MS4A12: variants seen among roughly 807,000 people sequenced by gnomAD.
MS4A12 encodes the protein membrane-spanning 4-domains subfamily A member 12.
Under a neutral mutation model 23.7 loss-of-function variants are expected in MS4A12, and 28 were observed. That is an observed-to-expected ratio of 1.18 (90% CI 0.88 to 1.62). MS4A12 has a LOEUF of 1.62. Among genes scored for constraint, MS4A12 ranks in the 40% most tolerant of loss-of-function variants. The pLI, the probability that MS4A12 is intolerant of heterozygous loss-of-function variation, is 0.00. For missense variants in MS4A12, 342 were observed against 327.0 expected (o/e 1.05, Z -0.35); for synonymous variants, 108 against 110.1 (o/e 0.98, Z 0.12).
intron 2 of MS4A12, among the ~76,000 whole-genome samples, chr11:60,499,869 T>C (rs2086516841): frequency 6.6e-6 from 1 of 152,208 alleles, no homozygotes; most frequent in Non-Finnish European, 1.5e-5. Flanking sequence ...GAAGGAAGGT[T>C]CAATAAGAGG....
chr11:60,501,227 A>G, intron 3 of MS4A12, 45 bp downstream of exon 3: 2 of 1,537,476 alleles, frequency 1.3e-6, no homozygotes. Context: ...TTTATAAAGT[A>G]TTCCCTCTTG....
chr11:60,493,812 C>G (rs1479450720), intron 1 of MS4A12, among the ~76,000 whole-genome samples: 1 of 152,136 alleles, frequency 6.6e-6, no homozygotes, highest in Non-Finnish European at 1.5e-5. Flanking sequence ...TAGAAAGAAA[C>G]TATAAAGAAG....
chr11:60,495,490 G>A (rs1400119914), intron 1 of MS4A12, among the ~76,000 whole-genome samples: 1 of 151,816 alleles, frequency 6.6e-6, no homozygotes, highest in Non-Finnish European at 1.5e-5. Context: ...CAGAGATAAT[G>A]TATCTCATGC....
At chr11:60,506,178 AGAGTTCAAGT>A (rs1437006543) in intron 5 of MS4A12, among the ~76,000 whole-genome samples, 3 of 152,240 alleles carry the variant, frequency 2.0e-5, no homozygotes, top group African/African-American at 7.2e-5. Context: ...AAGCCTGTAT[AGAGTTCAAGT>A]GAGCTTAATA....
Position 60,507,085 on chromosome 11 carries a change from TC to T in MS4A12, c.768del (p.Arg257AspfsTer46). The T allele has an allele frequency of 1.2e-6, 2 of 1,613,942 alleles. No homozygotes were observed. The highest frequency in any genetic ancestry group is 1.7e-6 in the Non-Finnish European group (2 of 1,179,810). On this transcript the variant is annotated frameshift_variant, in exon 7 of 7. Coordinates refer to ENST00000016913, the MANE Select transcript of MS4A12 (RefSeq NM_017716.3). LOFTEE classifies it low-confidence loss of function (END_TRUNC). Reference protein sequence around the residue: ...PVTPASSSAPPRCNNYSANAP... With the variant: ...PVTPASSSAPXRCNNYSANAP... ...TGACACCAGCGTCTTCTTCAGCTCC[TC>T]CCAGATGCAACAACTACTCAGCTAA...
Position 60,506,804 on chromosome 11 carries a change from A to G in MS4A12, c.665A>G (p.His222Arg). 7 of 1,614,172 alleles carry G rather than the reference A, an allele frequency of 4.3e-6. No individual in the cohort carries two copies. The highest frequency in any genetic ancestry group is 3.3e-5 in the South Asian group (3 of 91,074). ...LEFFVACATAHFANQANTTTN... is the reference protein window; with the variant it reads ...LEFFVACATARFANQANTTTN... Reference sequence around the variant, plus strand: ...TTCTTCGTAGCTTGTGCCACAGCCCATTTTGCCAACCAAGCAAACACCACA... The same window carrying G: ...TTCTTCGTAGCTTGTGCCACAGCCCGTTTTGCCAACCAAGCAAACACCACA... Residue 222 changes from histidine (H) to arginine (R), a missense_variant, in exon 6 of 7, where the codon CAT (histidine) becomes CGT (arginine). Physicochemically the swap from His to Arg is conservative, Grantham distance 29. Coordinates refer to ENST00000016913, the MANE Select transcript of MS4A12 (RefSeq NM_017716.3).
At chr11:60,500,881 T>C (rs1039686438) in intron 2 of MS4A12, among the ~76,000 whole-genome samples, 164 bp from the exon 3 acceptor site, 2 of 152,244 alleles carry the variant, frequency 1.3e-5, no homozygotes, top group Non-Finnish European at 2.9e-5. Flanking sequence ...TTCTAGTATA[T>C]GTCAGAATCT....
chr11:60,506,894 A>C, intron 6 of MS4A12, 56 bp downstream of exon 6: 4 of 1,556,648 alleles, frequency 2.6e-6, no homozygotes, highest in Non-Finnish European at 3.5e-6. Context: ...AGAAATACAG[A>C]CTTGTGTCTG....
chr11:60,500,240 C>G (rs1376374147), intron 2 of MS4A12, among the ~76,000 whole-genome samples: 1 of 69,820 alleles, frequency 1.4e-5, no homozygotes, highest in African/African-American at 5.3e-5. Context: ...GACTCTGTCT[C>G]AAAAAAAAAC....
At chr11:60,502,169 C>A in intron 4 of MS4A12, 130 bp downstream of exon 4, 1 of 918,604 alleles carries the variant, frequency 1.1e-6, no homozygotes, top group South Asian at 1.6e-5. Flanking sequence ...CTATTGGTTG[C>A]CTTATGGTCT....
chr11:60,498,993 C>G (rs1420599646), intron 2 of MS4A12, among the ~76,000 whole-genome samples: 1 of 152,202 alleles, frequency 6.6e-6, no homozygotes, highest in African/African-American at 2.4e-5. Context: ...GCCTGCAGAG[C>G]AGAAGGCTTT....
In MS4A12 at chr11:60,493,336, A is replaced by G. The variant is rs982938349; in HGVS notation, c.-7+508A>G. Among the ~76,000 whole-genome samples the G allele has an allele frequency of 4.0e-5, 6 of 150,764 alleles. No individual in the cohort carries two copies. In the East Asian group the frequency reaches 9.8e-4, roughly 25 times the overall value. Reference sequence around the variant, plus strand: ...GGTTGCAGTGAGCCGAGATCGCTCCATTGCACTCCAGCCTGGGTGACAAGA... The same window carrying G: ...GGTTGCAGTGAGCCGAGATCGCTCCGTTGCACTCCAGCCTGGGTGACAAGA... On this transcript the variant is annotated intron_variant, in intron 1 of 6. Coordinates refer to ENST00000016913, the MANE Select transcript of MS4A12 (RefSeq NM_017716.3).
chr11:60,497,786 C>T (rs2086501481), intron 2 of MS4A12, 192 bp downstream of exon 2: 3 of 637,518 alleles, frequency 4.7e-6, no homozygotes, highest in Non-Finnish European at 7.7e-6. Context: ...AAAAATATAA[C>T]AAGACACAGA....
intron 2 of MS4A12, among the ~76,000 whole-genome samples, chr11:60,500,262 A>C (rs28648798): frequency 3.0e-5 from 4 of 135,300 alleles, no homozygotes; most frequent in East Asian, 2.4e-4. Flanking sequence ...AAAAAAAAAC[A>C]AAAAAAAAAA....
rs766359237 is a variant in MS4A12, at chr11:60,497,627, A to G, written c.276+33A>G. ...TATTTACTACCAGAATTTTAATTTC[A>G]CATTTGCAAGGTCTTCTTATAAGTT... On this transcript the variant is annotated intron_variant, in intron 2 of 6. Transcript: ENST00000016913. 2.5e-6 allele frequency: 4 copies of G among 1,606,142 alleles called. No individual in the cohort carries two copies. In the South Asian group the frequency reaches 4.4e-5, roughly 18 times the overall value.
chr11:60,504,419 G>T (rs975913448), intron 5 of MS4A12, among the ~76,000 whole-genome samples: 1 of 152,194 alleles, frequency 6.6e-6, no homozygotes, highest in East Asian at 1.9e-4. Flanking sequence ...GGTATAAAAT[G>T]AGGTTGGGCT....
chr11:60,507,134 A>G lies in MS4A12; in HGVS notation c.*10A>G. On this transcript the variant is annotated 3_prime_UTR_variant, in exon 7 of 7. Coordinates refer to ENST00000016913, the MANE Select transcript of MS4A12 (RefSeq NM_017716.3). ...TAATGCCCCTAAATAGTAAAAGAAA[A>G]AGGGGTATCAGTCTAATCTCATGGA... is the stretch of plus-strand genomic sequence containing the variant. 1 of 1,589,278 alleles carries G rather than the reference A, an allele frequency of 6.3e-7. No individual in the cohort carries two copies. The highest frequency in any genetic ancestry group is 1.3e-5 in the African/African-American group (1 of 74,418).
At chr11:60,498,576 G>A (rs1156764197) in intron 2 of MS4A12, among the ~76,000 whole-genome samples, 1 of 152,182 alleles carries the variant, frequency 6.6e-6, no homozygotes, top group Non-Finnish European at 1.5e-5. Flanking sequence ...AAGCACAAAG[G>A]AGGTGCAATC....
intron 2 of MS4A12, among the ~76,000 whole-genome samples, chr11:60,498,320 G>A (rs141203877): frequency 1.2e-4 from 18 of 152,266 alleles, no homozygotes; most frequent in East Asian, 1.9e-4. Context: ...GGAGCATTCC[G>A]TAAATGAATG....
Sources: allele counts gnomAD v4.1 joint callset (sites outside exome capture counted in the v4.1 genomes callset), GRCh38; gene constraint gnomAD v4.1.1; transcripts MANE v1.5; gene names NCBI Gene and HGNC (gene_info 2026-07-23, HGNC 2026-07-21).